SAMD12: variants seen among roughly 807,000 people sequenced by gnomAD.
The protein encoded by SAMD12 is sterile alpha motif domain containing 12.
A neutral mutation model predicts 15.0 loss-of-function variants in SAMD12; 9 were observed. The observed-to-expected ratio is 0.60, with a 90% CI of 0.36 to 1.05. The LOEUF is 1.05. Ranked by LOEUF, SAMD12 falls within the 50% of genes least tolerant of loss-of-function variation. The probability of loss-of-function intolerance (pLI) is 0.01; values close to 1 mark genes in which losing one functional copy is unlikely to be tolerated. For missense variants in SAMD12, 230 were observed against 234.2 expected (o/e 0.98, Z 0.12); for synonymous variants, 86 against 90.1 (o/e 0.96, Z 0.25).
intron 2 of SAMD12, among the ~76,000 whole-genome samples, chr8:118,568,509 G>A (rs1317373073): frequency 6.6e-6 from 1 of 152,142 alleles, no homozygotes; most frequent in Admixed American, 6.5e-5. Context: ...AGATCATTCT[G>A]GTTGCTGAAT....
At chr8:118,581,216 C>T (rs1827288980) in intron 1 of SAMD12, among the ~76,000 whole-genome samples, 1 of 152,182 alleles carries the variant, frequency 6.6e-6, no homozygotes, top group African/African-American at 2.4e-5. Flanking sequence ...CACACGCAAT[C>T]ATGCAATTAT....
chr8:118,247,578 TTTA>T (rs1304187882), intron 4 of SAMD12, among the ~76,000 whole-genome samples: 9 of 151,576 alleles, frequency 5.9e-5, no homozygotes, highest in African/African-American at 2.2e-4. Context: ...CTTTAAAAAT[TTTA>T]TTTATTTATT....
At chr8:118,411,294 A>G (rs1395090045) in intron 3 of SAMD12, among the ~76,000 whole-genome samples, 1 of 152,186 alleles carries the variant, frequency 6.6e-6, no homozygotes, top group Non-Finnish European at 1.5e-5. Flanking sequence ...AAATAAAACT[A>G]CTTCTTAACT....
At chr8:118,281,992 C>T (rs1036036901) in intron 4 of SAMD12, 11 of 274,408 alleles carry the variant, frequency 4.0e-5, no homozygotes, top group African/African-American at 2.1e-4. Flanking sequence ...GCTCAATAAC[C>T]ACTGAAGACA....
chr8:118,302,078 G>GT (rs58076997), intron 4 of SAMD12, among the ~76,000 whole-genome samples: 25,648 of 74,286 alleles, frequency 0.35, 5,381 homozygotes, highest in Admixed American at 0.42. Context: ...ATCTTTGAGA[G>GT]TTTTTTTTTT....
At chr8:118,432,358 G>A (rs1263544183) in intron 3 of SAMD12, among the ~76,000 whole-genome samples, 1 of 152,076 alleles carries the variant, frequency 6.6e-6, no homozygotes, top group African/African-American at 2.4e-5. Context: ...TAGGAACTTG[G>A]GAGGAGGCAT....
intron 3 of SAMD12, among the ~76,000 whole-genome samples, chr8:118,398,674 AGATCAGTG>A (rs1461377788): frequency 6.6e-6 from 1 of 152,166 alleles, no homozygotes; most frequent in Non-Finnish European, 1.5e-5. Flanking sequence ...TTGACAAAGT[AGATCAGTG>A]GAATTGGGGG....
chr8:118,281,543 G>A (rs2130162580), intron 4 of SAMD12, among the ~76,000 whole-genome samples: 1 of 152,332 alleles, frequency 6.6e-6, no homozygotes, highest in Non-Finnish European at 1.5e-5. Context: ...TAGGTCTGCT[G>A]ACATTTGGCA....
At chr8:118,375,658 T>C (rs977827902), downstream of SAMD12, 24 of 152,152 alleles carry the variant, frequency 1.6e-4, no homozygotes, top group African/African-American at 5.8e-4. Flanking sequence ...GATTTAAAAT[T>C]TGGGCCTGTC....
the SAMD12 span, among the ~76,000 whole-genome samples, chr8:118,175,527 A>C: frequency 6.6e-6 from 1 of 152,258 alleles, no homozygotes; most frequent in African/African-American, 2.4e-5. Flanking sequence ...CTTGCACAGC[A>C]AAAGGAACCA....
intron 3 of SAMD12, among the ~76,000 whole-genome samples, chr8:118,403,639 A>G (rs571632013): frequency 6.6e-6 from 1 of 152,340 alleles, no homozygotes; most frequent in African/African-American, 2.4e-5. Flanking sequence ...AACTAAAAAC[A>G]AAAACAAAAC....
At chr8:118,597,247 C>T (rs1827746821) in intron 1 of SAMD12, among the ~76,000 whole-genome samples, 1 of 152,188 alleles carries the variant, frequency 6.6e-6, no homozygotes, top group Non-Finnish European at 1.5e-5. Context: ...CTATCAGCTG[C>T]TGTTTGGGGT....
chr8:118,264,957 A>G (rs1005115409), intron 4 of SAMD12, among the ~76,000 whole-genome samples: 3 of 152,142 alleles, frequency 2.0e-5, no homozygotes, highest in African/African-American at 7.2e-5. Context: ...GGGCTCAGGT[A>G]ATGTTGCTCA....
the SAMD12 span, among the ~76,000 whole-genome samples, chr8:118,167,138 G>C: frequency 6.6e-6 from 1 of 152,146 alleles, no homozygotes; most frequent in Non-Finnish European, 1.5e-5. Context: ...TTTGCAAGTG[G>C]TGTTTCCTCT....
intron 4 of SAMD12, among the ~76,000 whole-genome samples, chr8:118,370,008 C>G (rs145238487): frequency 1.3e-5 from 2 of 152,008 alleles, no homozygotes; most frequent in Non-Finnish European, 2.9e-5. Context: ...TTTTTTCCGA[C>G]GTATCCATCT....
intron 2 of SAMD12, among the ~76,000 whole-genome samples, chr8:118,569,998 A>G (rs928468777): frequency 4.6e-5 from 7 of 152,192 alleles, no homozygotes; most frequent in Non-Finnish European, 1.0e-4. Flanking sequence ...AGGAGTTCCT[A>G]ATCACTTAAA....
intron 2 of SAMD12, among the ~76,000 whole-genome samples, chr8:118,484,332 G>A (rs9656929): frequency 0.42 from 64,003 of 152,046 alleles, 15,922 homozygotes; most frequent in Non-Finnish European, 0.53. Flanking sequence ...TATGTAGGAT[G>A]AGTAAGTCTT....
rs553767776 is a variant in SAMD12, at chr8:118,513,997, A to G, written c.192+66718T>C. On this transcript the variant is annotated intron_variant, in intron 2 of 3. Transcript: ENST00000314727. Reference sequence around the variant, plus strand: ...ATTTTCTAACAAACAGCTAAAATGCATATTTTAAGCGAAATTTTTATTATT... The same window carrying G: ...ATTTTCTAACAAACAGCTAAAATGCGTATTTTAAGCGAAATTTTTATTATT... Among the ~76,000 whole-genome samples, 10 of 152,364 alleles carry G rather than the reference A, an allele frequency of 6.6e-5. No individual in the cohort carries two copies. In the East Asian group the frequency reaches 1.7e-3, roughly 26 times the overall value.
chr8:118,152,801 G>T, the SAMD12 span, among the ~76,000 whole-genome samples: 79 of 152,270 alleles, frequency 5.2e-4, no homozygotes, highest in African/African-American at 1.8e-3. Context: ...GCCTGGCCAA[G>T]AATTTTTTGA....
Sources: gnomAD v4.1 joint callset for allele counts (sites outside exome capture counted in the v4.1 genomes callset) on GRCh38, gnomAD v4.1.1 for gene constraint, MANE v1.5 for transcripts, NCBI Gene and HGNC (gene_info 2026-07-23, HGNC 2026-07-21) for gene names.